CNTN4: variants seen among roughly 807,000 people sequenced by gnomAD.
The protein encoded by CNTN4 is contactin 4.
A neutral mutation model predicts 122.5 loss-of-function variants in CNTN4; 77 were observed. The observed-to-expected ratio is 0.63, with a 90% CI of 0.52 to 0.76. CNTN4 has a LOEUF of 0.76. Ranked by LOEUF, CNTN4 falls within the 30% of genes least tolerant of loss-of-function variation. The pLI is 0.00. For missense variants in CNTN4, 1,256 were observed against 1,259.1 expected (o/e 1.00, Z 0.04); for synonymous variants, 512 against 447.0 (o/e 1.15, Z -1.83).
At chr3:2,412,763 G>T (rs2047272468) in intron 3 of CNTN4, among the ~76,000 whole-genome samples, 1 of 152,074 alleles carries the variant, frequency 6.6e-6, no homozygotes. Context: ...AAAACAAAAG[G>T]TAGAATCGTA....
intron 2 of CNTN4, among the ~76,000 whole-genome samples, chr3:2,316,598 AAC>A (rs2043108414): frequency 6.6e-6 from 1 of 152,180 alleles, no homozygotes. Context: ...CATTTATCCA[AAC>A]AGTGTAAAAC....
chr3:2,646,918 A>G (rs1224694484), intron 4 of CNTN4, among the ~76,000 whole-genome samples: 2 of 152,148 alleles, frequency 1.3e-5, no homozygotes, highest in Non-Finnish European at 2.9e-5. Flanking sequence ...CTGTGTCCAA[A>G]TACAGTCACA....
At chr3:2,749,798 T>C (rs1479913187) in intron 6 of CNTN4, among the ~76,000 whole-genome samples, 1 of 152,196 alleles carries the variant, frequency 6.6e-6, no homozygotes, top group African/African-American at 2.4e-5. Context: ...TTTTGTAAAT[T>C]AAAAGAAAAT....
intron 3 of CNTN4, among the ~76,000 whole-genome samples, chr3:2,469,936 A>G (rs1310577030): frequency 6.6e-6 from 1 of 152,232 alleles, no homozygotes; most frequent in Non-Finnish European, 1.5e-5. Context: ...TATGTGAGAT[A>G]AAATTGTTGA....
chr3:2,307,219 A>G (rs2042741782), intron 2 of CNTN4, among the ~76,000 whole-genome samples: 1 of 152,176 alleles, frequency 6.6e-6, no homozygotes, highest in African/African-American at 2.4e-5. Context: ...GCAGACCACA[A>G]GGTCAGGAGA....
chr3:2,361,949 C>T (rs531116101), intron 3 of CNTN4, among the ~76,000 whole-genome samples: 3 of 152,220 alleles, frequency 2.0e-5, no homozygotes, highest in African/African-American at 4.8e-5. Context: ...TTATGGTCAG[C>T]AGAAACACAG....
intron 3 of CNTN4, among the ~76,000 whole-genome samples, chr3:2,529,559 A>G (rs989786314): frequency 7.9e-5 from 12 of 152,184 alleles, no homozygotes; most frequent in African/African-American, 2.7e-4. Flanking sequence ...TAATACATGT[A>G]TTACTTACTA....
chr3:2,126,398 T>C (rs896722172), intron 2 of CNTN4, among the ~76,000 whole-genome samples: 4 of 152,166 alleles, frequency 2.6e-5, no homozygotes, highest in African/African-American at 7.2e-5. Context: ...AATTCTAATT[T>C]TAGTTTCTTT....
chr3:2,521,772 A>G (rs2077227163), intron 3 of CNTN4, among the ~76,000 whole-genome samples: 1 of 152,010 alleles, frequency 6.6e-6, no homozygotes, highest in African/African-American at 2.4e-5. Context: ...TCAGAAGCTT[A>G]CCTAAGTTTT....
At chr3:2,610,782 A>T (rs1326371506) in intron 4 of CNTN4, among the ~76,000 whole-genome samples, 2 of 152,172 alleles carry the variant, frequency 1.3e-5, no homozygotes, top group African/African-American at 4.8e-5. Context: ...GGCAGTCATT[A>T]TGAGTATTTT....
chr3:2,458,071 G>A (rs2049066451), intron 3 of CNTN4, among the ~76,000 whole-genome samples: 1 of 152,056 alleles, frequency 6.6e-6, no homozygotes, highest in South Asian at 2.1e-4. Flanking sequence ...GAAGTGATAG[G>A]GAGCCATTCT....
intron 2 of CNTN4, among the ~76,000 whole-genome samples, chr3:2,228,888 T>C (rs2149531623): frequency 6.6e-6 from 1 of 152,258 alleles, no homozygotes; most frequent in South Asian, 2.1e-4. Context: ...TTTGGACATC[T>C]CAGTTAATTT....
At chr3:2,683,658 G>C (rs1256976442) in intron 4 of CNTN4, among the ~76,000 whole-genome samples, 1 of 150,994 alleles carries the variant, frequency 6.6e-6, no homozygotes, top group Non-Finnish European at 1.5e-5. Context: ...AAAAAAAATT[G>C]TGGAACAGAA....
chr3:2,977,605 G>A (rs1282419598), intron 13 of CNTN4, among the ~76,000 whole-genome samples: 2 of 152,016 alleles, frequency 1.3e-5, no homozygotes, highest in Non-Finnish European at 2.9e-5. Context: ...GCTGAGCAGT[G>A]GGCATGGGAG....
At chr3:2,391,377 G>A (rs1213668323) in intron 3 of CNTN4, among the ~76,000 whole-genome samples, 1 of 152,102 alleles carries the variant, frequency 6.6e-6, no homozygotes, top group Non-Finnish European at 1.5e-5. Context: ...TACTATCTCA[G>A]CTCTACATGG....
intron 7 of CNTN4, among the ~76,000 whole-genome samples, chr3:2,840,719 TAAA>T (rs1348942716): frequency 6.6e-6 from 1 of 151,422 alleles, no homozygotes; most frequent in African/African-American, 2.4e-5. Flanking sequence ...AAAATAAAAA[TAAA>T]AAAATAAAAG....
chr3:2,607,955 TG>T (rs1210084453), intron 4 of CNTN4, among the ~76,000 whole-genome samples: 30 of 152,296 alleles, frequency 2.0e-4, no homozygotes, highest in Admixed American at 1.0e-3. Flanking sequence ...TGTGGTTTTA[TG>T]GGTGGCTCAT....
intron 3 of CNTN4, among the ~76,000 whole-genome samples, chr3:2,460,393 A>G (rs896511807): frequency 6.6e-6 from 1 of 152,150 alleles, no homozygotes; most frequent in Non-Finnish European, 1.5e-5. Flanking sequence ...ACTCCCAGAC[A>G]TTAATCTCAG....
At chr3:2,772,469 T>A (rs1454760310) in intron 6 of CNTN4, among the ~76,000 whole-genome samples, 1 of 152,038 alleles carries the variant, frequency 6.6e-6, no homozygotes, top group Non-Finnish European at 1.5e-5. Flanking sequence ...TAAAGTCTAA[T>A]GTCTTGGATG....
Sources: gnomAD v4.1 joint callset for allele counts (sites outside exome capture counted in the v4.1 genomes callset) on GRCh38, gnomAD v4.1.1 for gene constraint, MANE v1.5 for transcripts, NCBI Gene and HGNC (gene_info 2026-07-23, HGNC 2026-07-21) for gene names.